Variants in KCNH7 observed in about 807,000 individuals in gnomAD.
KCNH7 encodes potassium voltage-gated channel subfamily H member 7.
In KCNH7, 49 loss-of-function variants were observed where a neutral mutation model predicts 120.8. The observed-to-expected ratio is 0.41, with a 90% CI of 0.32 to 0.51. The LOEUF is 0.51. Among genes scored for constraint, KCNH7 ranks in the 20% least tolerant of loss-of-function variants. The pLI is 0.38. For missense variants in KCNH7, 1,097 were observed against 1,446.6 expected (o/e 0.76, Z 3.92); for synonymous variants, 547 against 516.1 (o/e 1.06, Z -0.81).
intron 4 of KCNH7, 92 bp downstream of exon 4, chr2:162,517,636 GCA>G: frequency 9.3e-7 from 1 of 1,070,650 alleles, no homozygotes. Flanking sequence ...TTTCCCCAAT[GCA>G]CAGAGATTAT....
At chr2:162,487,965 A>G (rs1690157462) in intron 6 of KCNH7, among the ~76,000 whole-genome samples, 1 of 152,198 alleles carries the variant, frequency 6.6e-6, no homozygotes, top group African/African-American at 2.4e-5. Flanking sequence ...GATACATGGA[A>G]TATGTACTGC....
At chr2:162,608,962 A>AAT (rs1203824214) in intron 2 of KCNH7, among the ~76,000 whole-genome samples, 3 of 152,178 alleles carry the variant, frequency 2.0e-5, no homozygotes, top group South Asian at 4.1e-4. Context: ...ATTCCCTTTG[A>AAT]ATAACACTTA....
chr2:162,510,697 G>T (rs562058407), intron 5 of KCNH7, among the ~76,000 whole-genome samples: 10 of 151,858 alleles, frequency 6.6e-5, no homozygotes, highest in Middle Eastern at 3.4e-3. Context: ...ACACAAAGCA[G>T]TGTAGAAACC....
intron 2 of KCNH7, among the ~76,000 whole-genome samples, chr2:162,695,217 A>G (rs1254084003): frequency 1.3e-5 from 2 of 152,140 alleles, no homozygotes; most frequent in Non-Finnish European, 2.9e-5. Context: ...GCAAGTTGGA[A>G]ACGTATCGGT....
chr2:162,459,897 C>T (rs1158967443), intron 6 of KCNH7, among the ~76,000 whole-genome samples: 1 of 151,816 alleles, frequency 6.6e-6, no homozygotes, highest in African/African-American at 2.4e-5. Flanking sequence ...AGATTGAGAC[C>T]ATCCTGGCCA....
chr2:162,801,198 A>G (rs1397081987), intron 2 of KCNH7, among the ~76,000 whole-genome samples: 1 of 151,756 alleles, frequency 6.6e-6, no homozygotes, highest in East Asian at 1.9e-4. Flanking sequence ...ATGCTATTCT[A>G]AAAAATAAAT....
At chr2:162,763,992 T>C (rs915265561) in intron 2 of KCNH7, among the ~76,000 whole-genome samples, 1 of 152,096 alleles carries the variant, frequency 6.6e-6, no homozygotes, top group African/African-American at 2.4e-5. Context: ...GGGTTTTTTT[T>C]CCTCTGTCCT....
intron 6 of KCNH7, among the ~76,000 whole-genome samples, chr2:162,478,711 T>C (rs191279290): frequency 6.6e-6 from 1 of 152,278 alleles, no homozygotes. Flanking sequence ...TGACACACTG[T>C]ATTTCCTCAC....
At chr2:162,747,058 A>G (rs529199837) in intron 2 of KCNH7, among the ~76,000 whole-genome samples, 2 of 152,308 alleles carry the variant, frequency 1.3e-5, no homozygotes, top group African/African-American at 4.8e-5. Flanking sequence ...GGATAAAGAT[A>G]CAAAAACTGC....
intron 9 of KCNH7, among the ~76,000 whole-genome samples, chr2:162,419,996 G>A (rs1687651795): frequency 6.6e-6 from 1 of 152,168 alleles, no homozygotes; most frequent in Non-Finnish European, 1.5e-5. Flanking sequence ...AAATGTTGGA[G>A]GTAGAGGGAA....
intron 2 of KCNH7, among the ~76,000 whole-genome samples, chr2:162,607,945 C>T (rs753489054): frequency 6.6e-6 from 1 of 152,134 alleles, no homozygotes; most frequent in Non-Finnish European, 1.5e-5. Flanking sequence ...AAAATATGAA[C>T]ATCGCTGCCT....
At chr2:162,766,301 C>T (rs746153131) in intron 2 of KCNH7, among the ~76,000 whole-genome samples, 11 of 152,036 alleles carry the variant, frequency 7.2e-5, no homozygotes, top group African/African-American at 1.9e-4. Context: ...TGCGCCTTGA[C>T]GTGAAACAAC....
chr2:162,415,856 T>A (rs1687527203), intron 9 of KCNH7, among the ~76,000 whole-genome samples: 1 of 152,194 alleles, frequency 6.6e-6, no homozygotes, highest in Non-Finnish European at 1.5e-5. Context: ...TTCTTCATTC[T>A]GACCACTGTC....
chr2:162,404,102 T>C (rs1292965490), intron 9 of KCNH7, among the ~76,000 whole-genome samples: 1 of 151,960 alleles, frequency 6.6e-6, no homozygotes, highest in Non-Finnish European at 1.5e-5. Context: ...ACTCAGATAC[T>C]GGCATTTTAC....
At chr2:162,383,676 T>G (rs1258734924) in intron 13 of KCNH7, among the ~76,000 whole-genome samples, 1 of 152,038 alleles carries the variant, frequency 6.6e-6, no homozygotes, top group Non-Finnish European at 1.5e-5. Context: ...TCTGTTAATA[T>G]TCTTTTGATG....
intron 2 of KCNH7, among the ~76,000 whole-genome samples, chr2:162,789,699 G>A (rs1309630780): frequency 3.3e-5 from 5 of 151,630 alleles, no homozygotes; most frequent in Admixed American, 2.0e-4. Context: ...ACAATAACAG[G>A]AAGAAAATTA....
intron 2 of KCNH7, among the ~76,000 whole-genome samples, chr2:162,762,834 T>C (rs1444877224): frequency 1.3e-5 from 2 of 152,066 alleles, no homozygotes; most frequent in Admixed American, 6.6e-5. Context: ...ACTGTAAAGG[T>C]ATAGGTAAAC....
chr2:162,497,254 T>A (rs558241253), intron 6 of KCNH7, among the ~76,000 whole-genome samples: 4 of 152,238 alleles, frequency 2.6e-5, no homozygotes, highest in Admixed American at 2.0e-4. Context: ...TGAACAAAGT[T>A]CAATATAAGT....
intron 2 of KCNH7, among the ~76,000 whole-genome samples, chr2:162,572,157 G>A (rs1259530795): frequency 6.6e-6 from 1 of 151,790 alleles, no homozygotes; most frequent in African/African-American, 2.4e-5. Context: ...TCTGACAAAG[G>A]GCTAATATCC....
Sources: allele counts gnomAD v4.1 joint callset (sites outside exome capture counted in the v4.1 genomes callset), GRCh38; gene constraint gnomAD v4.1.1; transcripts MANE v1.5; gene names NCBI Gene and HGNC (gene_info 2026-07-23, HGNC 2026-07-21).